RASAL2: variants seen among roughly 807,000 people sequenced by gnomAD.
RASAL2 encodes RAS protein activator like 2, also known as ras GTPase-activating protein nGAP.
A neutral mutation model predicts 128.9 loss-of-function variants in RASAL2; 58 were observed. That is an observed-to-expected ratio of 0.45 (90% CI 0.36 to 0.56). The LOEUF is 0.56. Ranked by LOEUF, RASAL2 falls within the 20% of genes least tolerant of loss-of-function variation. RASAL2 has a pLI of 0.00. For missense variants in RASAL2, 1,360 were observed against 1,601.6 expected, an observed-to-expected ratio of 0.85 and a Z score of 2.57; for synonymous variants, 561 against 580.8, an observed-to-expected ratio of 0.97 and a Z score of 0.49.
At chr1:178,420,685 G>T in intron 5 of RASAL2, 65 bp downstream of exon 5, 2 of 1,212,842 alleles carry the variant, frequency 1.6e-6, no homozygotes, top group Non-Finnish European at 2.3e-6. Flanking sequence ...AAGGCATTTT[G>T]GTCTATTCTG....
chr1:178,461,841 A>G (rs189271031), intron 14 of RASAL2, among the ~76,000 whole-genome samples: 28 of 152,298 alleles, frequency 1.8e-4, no homozygotes, highest in African/African-American at 5.3e-4. Context: ...GCTGAAACCA[A>G]TTGGTCTTGT....
chr1:178,132,124 T>G (rs1660141201), intron 1 of RASAL2, among the ~76,000 whole-genome samples: 1 of 152,100 alleles, frequency 6.6e-6, no homozygotes, highest in African/African-American at 2.4e-5. Context: ...GAGTGTAGCC[T>G]CAAACTCCTG....
chr1:178,461,727 C>T (rs982455701), intron 14 of RASAL2, among the ~76,000 whole-genome samples: 5 of 152,188 alleles, frequency 3.3e-5, no homozygotes, highest in South Asian at 4.1e-4. Flanking sequence ...CCAACCTCTT[C>T]AAGAACTCCC....
intron 1 of RASAL2, among the ~76,000 whole-genome samples, chr1:178,162,385 A>G (rs1238051646): frequency 8.8e-6 from 1 of 113,066 alleles, no homozygotes; most frequent in Non-Finnish European, 1.7e-5. Flanking sequence ...ATATTTATAT[A>G]TTATATATAT....
chr1:178,209,394 A>G (rs919398789), intron 1 of RASAL2, among the ~76,000 whole-genome samples: 2 of 152,198 alleles, frequency 1.3e-5, no homozygotes, highest in Non-Finnish European at 2.9e-5. Context: ...ATTGGGATCA[A>G]TATTTCTGAA....
intron 3 of RASAL2, among the ~76,000 whole-genome samples, chr1:178,385,140 T>C (rs1289863845): frequency 2.0e-5 from 3 of 152,242 alleles, no homozygotes; most frequent in African/African-American, 4.8e-5. Context: ...CTGTATCACA[T>C]TCATTATTCA....
intron 4 of RASAL2, among the ~76,000 whole-genome samples, chr1:178,402,687 A>G (rs1284498068): frequency 6.6e-6 from 1 of 152,144 alleles, no homozygotes; most frequent in Non-Finnish European, 1.5e-5. Context: ...GCTCATGACC[A>G]TCCATAATGT....
chr1:178,242,423 T>TTC (rs58914415), intron 1 of RASAL2, among the ~76,000 whole-genome samples: 168 of 85,202 alleles, frequency 2.0e-3, no homozygotes, highest in Admixed American at 2.4e-3. Flanking sequence ...TTATAATTCA[T>TTC]TCTCTCTCTC....
At chr1:178,180,778 A>G (rs1052683383) in intron 1 of RASAL2, among the ~76,000 whole-genome samples, 3 of 150,606 alleles carry the variant, frequency 2.0e-5, no homozygotes, top group Non-Finnish European at 4.4e-5. Context: ...TAGAATTTTT[A>G]TGCACAAAAT....
intron 3 of RASAL2, among the ~76,000 whole-genome samples, chr1:178,358,224 A>C (rs1232228554): frequency 8.0e-6 from 1 of 124,826 alleles, no homozygotes; most frequent in Non-Finnish European, 1.6e-5. Flanking sequence ...TGACAGAGTG[A>C]GACTCTGTCT....
intron 11 of RASAL2, among the ~76,000 whole-genome samples, chr1:178,453,345 G>A (rs1432776475): frequency 2.0e-5 from 3 of 151,690 alleles, no homozygotes; most frequent in East Asian, 3.9e-4. Context: ...AGAAATGGAC[G>A]CTAAACTATT....
At chr1:178,288,387 A>T (rs768049503) in intron 2 of RASAL2, among the ~76,000 whole-genome samples, 5 of 152,036 alleles carry the variant, frequency 3.3e-5, no homozygotes, top group Non-Finnish European at 5.9e-5. Context: ...AAAATTGGAA[A>T]ATTCACAAGA....
At chr1:178,291,833 G>A (rs1322055096) in intron 2 of RASAL2, among the ~76,000 whole-genome samples, 10 of 151,952 alleles carry the variant, frequency 6.6e-5, no homozygotes, top group African/African-American at 2.2e-4. Flanking sequence ...TCAGGAGTTC[G>A]AGACCAGCCT....
intron 9 of RASAL2, among the ~76,000 whole-genome samples, chr1:178,447,855 G>C (rs1364923513): frequency 6.6e-6 from 1 of 151,908 alleles, no homozygotes; most frequent in Non-Finnish European, 1.5e-5. Flanking sequence ...GAATATTACA[G>C]AGAATTGTGG....
intron 1 of RASAL2, among the ~76,000 whole-genome samples, chr1:178,251,578 A>G (rs755054713): frequency 5.3e-5 from 8 of 152,218 alleles, no homozygotes; most frequent in Non-Finnish European, 1.2e-4. Flanking sequence ...AAGAAAAAGG[A>G]TGAAAGTGGG....
rs1199332086 is a variant in RASAL2, at chr1:178,443,084, T to C, written c.1337T>C (p.Met446Thr). 6.2e-7 allele frequency: 1 copy of C among 1,613,988 alleles called. No individual in the cohort carries two copies. ...TTCCAAACTATCACCATTCTGCCTATGGAGCAATACAAAGAATTTGCAGAA... is the reference window on the plus strand; with the variant it reads ...TTCCAAACTATCACCATTCTGCCTACGGAGCAATACAAAGAATTTGCAGAA... Reference protein sequence around the residue: ...SRFQTITILPMEQYKEFAEFV... With the variant: ...SRFQTITILPTEQYKEFAEFV... Residue 446 changes from methionine (M) to threonine (T), a missense_variant, in exon 8 of 18, where the codon ATG becomes ACG. Met to Thr is a moderately conservative substitution (Grantham distance 81, BLOSUM62 -1). Around this residue, in one of 3 missense-constraint regions of RASAL2, gnomAD observed 617 missense variants for 714.2 expected, o/e 0.86. Transcript: ENST00000367649.
At chr1:178,274,520 T>C (rs1286760011) in intron 1 of RASAL2, among the ~76,000 whole-genome samples, 1 of 152,156 alleles carries the variant, frequency 6.6e-6, no homozygotes, top group African/African-American at 2.4e-5. Flanking sequence ...GATCTTGAGT[T>C]TTTATCGCTT....
chr1:178,321,936 C>T (rs1014421885), intron 3 of RASAL2, among the ~76,000 whole-genome samples: 2 of 151,152 alleles, frequency 1.3e-5, no homozygotes, highest in Middle Eastern at 3.4e-3. Context: ...TTTGGTGAGC[C>T]GAGATCGCGC....
intron 1 of RASAL2, among the ~76,000 whole-genome samples, chr1:178,129,570 A>G (rs1305249106): frequency 6.6e-6 from 1 of 152,124 alleles, no homozygotes; most frequent in African/African-American, 2.4e-5. Context: ...CTTTTGGAGT[A>G]TAAAAGTTTA....
Sources: allele counts gnomAD v4.1 joint callset (sites outside exome capture counted in the v4.1 genomes callset), GRCh38; gene constraint gnomAD v4.1.1; regional missense constraint gnomAD v4.1.1; transcripts MANE v1.5; gene names NCBI Gene and HGNC (gene_info 2026-07-23, HGNC 2026-07-21).